The following RIMS2 variants were observed in gnomAD, a reference collection of about 807,000 sequenced individuals.
The protein encoded by RIMS2 is regulating synaptic membrane exocytosis protein 2.
In RIMS2, 59 loss-of-function variants were observed where a neutral mutation model predicts 174.4. That is an observed-to-expected ratio of 0.34 (90% confidence interval 0.27 to 0.42). The LOEUF (loss-of-function observed/expected upper bound fraction) is 0.42. Ranked by LOEUF, RIMS2 falls within the 10% of genes least tolerant of loss-of-function variation. RIMS2 has a pLI of 1.00. For missense variants in RIMS2, 1,620 were observed against 1,666.3 expected (o/e 0.97, Z 0.48); for synonymous variants, 606 against 572.5 (o/e 1.06, Z -0.84).
intron 19 of RIMS2, among the ~76,000 whole-genome samples, chr8:104,221,680 A>G (rs1241494409): frequency 1.3e-5 from 2 of 152,306 alleles, no homozygotes; most frequent in Middle Eastern, 3.4e-3. Context: ...ATAAATCTGG[A>G]TGAGCCTAAG....
intron 19 of RIMS2, among the ~76,000 whole-genome samples, chr8:104,114,238 G>A (rs959815908): frequency 4.7e-4 from 71 of 151,854 alleles, no homozygotes; most frequent in Admixed American, 3.0e-3. Flanking sequence ...TTCTATTTTG[G>A]CATTTTAAAT....
intron 1 of RIMS2, among the ~76,000 whole-genome samples, chr8:103,606,923 A>G: frequency 6.6e-6 from 1 of 151,932 alleles, no homozygotes; most frequent in East Asian, 1.9e-4. Context: ...TTTCCTGAAT[A>G]CAGCACACTG....
chr8:104,194,876 C>G (rs989603295), intron 19 of RIMS2, among the ~76,000 whole-genome samples: 1 of 152,138 alleles, frequency 6.6e-6, no homozygotes, highest in Admixed American at 6.5e-5. Context: ...CCCACCTTCA[C>G]AAACATGTGG....
chr8:103,575,089 A>G (rs573249897), intron 1 of RIMS2, among the ~76,000 whole-genome samples: 1 of 152,336 alleles, frequency 6.6e-6, no homozygotes, highest in East Asian at 1.9e-4. Flanking sequence ...AAACTCACAC[A>G]AATCAGTAAA....
intron 17 of RIMS2, chr8:103,998,345 T>A: frequency 1.3e-6 from 1 of 746,490 alleles, no homozygotes. Context: ...TTTATGTATA[T>A]ACATATATGG....
intron 19 of RIMS2, among the ~76,000 whole-genome samples, chr8:104,039,328 C>G (rs968586225): frequency 6.6e-6 from 1 of 151,628 alleles, no homozygotes; most frequent in African/African-American, 2.4e-5. Flanking sequence ...ATTTCTGGCT[C>G]TGCAACTGAA....
intron 3 of RIMS2, among the ~76,000 whole-genome samples, chr8:103,795,706 C>T (rs762883992): frequency 6.6e-6 from 1 of 152,122 alleles, no homozygotes; most frequent in Non-Finnish European, 1.5e-5. Flanking sequence ...ATTTTTCCAC[C>T]TGAACTAGTT....
chr8:103,726,870 C>G, intron 2 of RIMS2, among the ~76,000 whole-genome samples: 1 of 150,796 alleles, frequency 6.6e-6, no homozygotes. Flanking sequence ...TCCCAAGTAG[C>G]TGGGATTATA....
intron 3 of RIMS2, among the ~76,000 whole-genome samples, chr8:103,843,542 C>T (rs549204036): frequency 6.6e-6 from 1 of 152,258 alleles, no homozygotes; most frequent in African/African-American, 2.4e-5. Flanking sequence ...GAGACTTTTT[C>T]CTCATATTCC....
chr8:103,759,477 A>G (rs1043903526), intron 2 of RIMS2, among the ~76,000 whole-genome samples: 1 of 146,610 alleles, frequency 6.8e-6, no homozygotes. Context: ...AGGCAGGAGA[A>G]TGGCGTGAAC....
At chr8:103,557,778 A>G (rs2090772409) in intron 1 of RIMS2, among the ~76,000 whole-genome samples, 2 of 152,156 alleles carry the variant, frequency 1.3e-5, no homozygotes, top group Admixed American at 1.3e-4. Context: ...TAACCTTTTC[A>G]GTTATAATTT....
chr8:103,523,232 CT>C (rs1832558361), intron 1 of RIMS2, among the ~76,000 whole-genome samples: 1 of 151,968 alleles, frequency 6.6e-6, no homozygotes, highest in Admixed American at 6.6e-5. Context: ...AGTATCCATT[CT>C]GTGTTAATGC....
chr8:103,970,847 A>C (rs1050880524), intron 15 of RIMS2, among the ~76,000 whole-genome samples: 2 of 152,184 alleles, frequency 1.3e-5, no homozygotes, highest in African/African-American at 4.8e-5. Flanking sequence ...AGCTCCTTAC[A>C]AACAGAAACA....
chr8:103,631,568 C>G (rs1390060918), intron 1 of RIMS2, among the ~76,000 whole-genome samples: 3 of 152,162 alleles, frequency 2.0e-5, no homozygotes, highest in Non-Finnish European at 2.9e-5. Context: ...TAATGTGATG[C>G]CACTGGCTTT....
At position 103,927,964 on chromosome 8, in the gene RIMS2, G is replaced by A. The variant is rs1223229854; in HGVS notation, c.2244+75G>A. On this transcript the variant is annotated intron_variant, in intron 11 of 23. Coordinates refer to ENST00000504942, the Ensembl canonical transcript of RIMS2. ...TTGTATGTTTTTGGAAAATGCGTTA[G>A]TAGGAAAACTTTTTTTGTTATGTTG... 18 of 1,200,548 alleles carry A rather than the reference G, an allele frequency of 1.5e-5. No homozygotes were observed. In the East Asian group the frequency reaches 4.5e-4, roughly 30 times the overall value. 74.4% of individuals were successfully genotyped at this position (1,200,548 alleles called of 1,614,324 possible). A position where few individuals can be genotyped will look rare whatever the true frequency, so the allele number is the denominator to read the frequency against.
chr8:103,702,094 C>T, intron 2 of RIMS2, among the ~76,000 whole-genome samples: 1 of 152,040 alleles, frequency 6.6e-6, no homozygotes, highest in East Asian at 1.9e-4. Context: ...TCCTTGTTAA[C>T]ATTTGTTATT....
chr8:104,184,112 C>T (rs1243854821), intron 19 of RIMS2, among the ~76,000 whole-genome samples: 1 of 151,642 alleles, frequency 6.6e-6, no homozygotes. Context: ...TATGTCATAA[C>T]TTGTGCTCTA....
exon 1 of RIMS2, chr8:103,500,996 G>T: frequency 6.2e-7 from 1 of 1,611,822 alleles, no homozygotes; most frequent in Non-Finnish European, 8.5e-7. Flanking sequence ...GAGGAGGAGA[G>T]GAAAATCATC....
intron 12 of RIMS2, among the ~76,000 whole-genome samples, chr8:103,932,023 T>C (rs1445650763): frequency 6.6e-6 from 1 of 152,130 alleles, no homozygotes; most frequent in East Asian, 1.9e-4. Flanking sequence ...AGAAATATTT[T>C]ATCTGAAAAC....
Sources: allele counts gnomAD v4.1 joint callset (sites outside exome capture counted in the v4.1 genomes callset), GRCh38; gene constraint gnomAD v4.1.1; transcripts MANE v1.5; gene names NCBI Gene and HGNC (gene_info 2026-07-23, HGNC 2026-07-21).